SVIL: variants seen among roughly 807,000 people sequenced by gnomAD.
SVIL encodes the protein supervillin, also known as archvillin.
SVIL carries 101 observed loss-of-function variants against 240.4 expected under a neutral mutation model. The ratio of observed to expected loss-of-function variants is 0.42; its 90% confidence interval spans 0.36 to 0.50. SVIL has a LOEUF of 0.50. SVIL is among the 20% of genes least tolerant of loss of function. SVIL has a pLI of 0.01. For missense variants in SVIL, 2,512 were observed against 2,818.7 expected, an observed-to-expected ratio of 0.89 and a Z score of 2.46; for synonymous variants, 999 against 1,100.0, an observed-to-expected ratio of 0.91 and a Z score of 1.82.
intron 1 of SVIL, among the ~76,000 whole-genome samples, chr10:29,581,090 C>T (rs1955927047): frequency 6.6e-6 from 1 of 152,174 alleles, no homozygotes; most frequent in Admixed American, 6.5e-5. Flanking sequence ...CTACTATAAG[C>T]TACTAATGAT....
At chr10:29,677,409 G>A (rs1960281857) in intron 2 of SVIL, among the ~76,000 whole-genome samples, 3 of 152,046 alleles carry the variant, frequency 2.0e-5, no homozygotes, top group South Asian at 2.1e-4. Flanking sequence ...AGTGCTGCTC[G>A]GAATAACACC....
At chr10:29,558,006 G>A (rs1954095190) in intron 3 of SVIL, among the ~76,000 whole-genome samples, 1 of 152,172 alleles carries the variant, frequency 6.6e-6, no homozygotes, top group African/African-American at 2.4e-5. Context: ...CATTTGCTGT[G>A]ACACAAAAAT....
chr10:29,643,632 C>T (rs992512629), intron 3 of SVIL, among the ~76,000 whole-genome samples: 10 of 152,112 alleles, frequency 6.6e-5, no homozygotes, highest in African/African-American at 2.4e-4. Flanking sequence ...CCAACAACCC[C>T]CCACCCCTGC....
chr10:29,466,712 A>G (rs141873143), intron 33 of SVIL, among the ~76,000 whole-genome samples: 2,892 of 152,306 alleles, frequency 0.019, 98 homozygotes, highest in African/African-American at 0.066. Flanking sequence ...AACTTGGGAA[A>G]TTATTCATTA....
intron 1 of SVIL, among the ~76,000 whole-genome samples, chr10:29,627,810 T>G (rs1025301856): frequency 1.6e-4 from 25 of 152,330 alleles, no homozygotes; most frequent in African/African-American, 5.8e-4. Context: ...ATGACCAATT[T>G]TATCTAATCA....
At chr10:29,649,370 C>T (rs896751916) in intron 3 of SVIL, among the ~76,000 whole-genome samples, 6 of 152,048 alleles carry the variant, frequency 3.9e-5, no homozygotes, top group Non-Finnish European at 7.4e-5. Context: ...TCTGAACCCC[C>T]ACGGCATGCC....
intron 16 of SVIL, among the ~76,000 whole-genome samples, chr10:29,517,524 A>AG (rs1171035223): frequency 6.6e-6 from 1 of 152,208 alleles, no homozygotes; most frequent in African/African-American, 2.4e-5. Flanking sequence ...GGGGCCCTCT[A>AG]GTGGCTGAAA....
chr10:29,636,868 A>G (rs1958328723), upstream of SVIL, among the ~76,000 whole-genome samples: 1 of 152,058 alleles, frequency 6.6e-6, no homozygotes. Context: ...GAGGTGTGCA[A>G]TCATGGCTCA....
At chr10:29,558,499 G>A (rs1800933155) in intron 3 of SVIL, among the ~76,000 whole-genome samples, 1 of 152,024 alleles carries the variant, frequency 6.6e-6, no homozygotes, top group Admixed American at 6.6e-5. Flanking sequence ...ACAGAAACGG[G>A]ATTATAAGAA....
At chr10:29,589,644 G>T (rs935474100) in intron 1 of SVIL, among the ~76,000 whole-genome samples, 10 of 152,188 alleles carry the variant, frequency 6.6e-5, no homozygotes, top group African/African-American at 1.9e-4. Context: ...AGAAAACGAG[G>T]TGAGACAATT....
At chr10:29,493,686 C>CCAGCCT (rs1398266313) in intron 20 of SVIL, among the ~76,000 whole-genome samples, 1 of 151,930 alleles carries the variant, frequency 6.6e-6, no homozygotes, top group Non-Finnish European at 1.5e-5. Context: ...GGTAGGTGAA[C>CCAGCCT]CAGCCTCAGC....
intron 29 of SVIL, among the ~76,000 whole-genome samples, chr10:29,476,038 C>T (rs1946160672): frequency 6.6e-6 from 1 of 152,152 alleles, no homozygotes; most frequent in Non-Finnish European, 1.5e-5. Flanking sequence ...TTGTACCATC[C>T]ACTGTGGATC....
chr10:29,588,636 A>C (rs1256204875), intron 1 of SVIL, among the ~76,000 whole-genome samples: 1 of 152,206 alleles, frequency 6.6e-6, no homozygotes, highest in Non-Finnish European at 1.5e-5. Flanking sequence ...GCGTGAAAGG[A>C]AAATAGAACC....
chr10:29,625,465 T>A (rs12243984), intron 1 of SVIL, among the ~76,000 whole-genome samples: 3,337 of 151,966 alleles, frequency 0.022, 102 homozygotes, highest in African/African-American at 0.071. Flanking sequence ...ATATATATAT[T>A]TTTTTTCCTT....
intron 7 of SVIL, among the ~76,000 whole-genome samples, chr10:29,533,956 G>A (rs1951564057): frequency 6.6e-6 from 1 of 152,182 alleles, no homozygotes; most frequent in South Asian, 2.1e-4. Context: ...GATTATTTAT[G>A]CTTTTTATTT....
chr10:29,736,736 C>G (rs975140173), upstream of SVIL: 1 of 151,888 alleles, frequency 6.6e-6, no homozygotes, highest in Non-Finnish European at 1.5e-5. Flanking sequence ...CGCCCACCTG[C>G]CGGGCCCGGG....
At chr10:29,592,832 G>GGCCTA (rs1956441260) in intron 1 of SVIL, among the ~76,000 whole-genome samples, 3 of 152,180 alleles carry the variant, frequency 2.0e-5, no homozygotes, top group Admixed American at 2.0e-4. Flanking sequence ...TCATGATCAA[G>GGCCTA]GCCTAGATTA....
intron 36 of SVIL, 189 bp from the exon 37 acceptor site, chr10:29,458,778 T>C (rs559803901): frequency 4.3e-6 from 2 of 460,856 alleles, no homozygotes; most frequent in Admixed American, 4.2e-5. Flanking sequence ...GTCTGGACTT[T>C]TAATTTTTAA....
In SVIL at chr10:29,510,732, C is replaced by T. The variant is rs545333946; in HGVS notation, c.3516+2003G>A. ...CCTTCTCCAAGGCAGCATTCAGACA[C>T]CCCGCAAGCAGTGGGCATGTCAAGC... On this transcript the variant is annotated intron_variant, in intron 17 of 37. Transcript: ENST00000355867. 2.7e-5 allele frequency among the ~76,000 whole-genome samples: 4 copies of T among 150,716 alleles called. No individual in the cohort carries two copies. The South Asian group carries it at 8.5e-4, about 32-fold the overall frequency.
Sources: gnomAD v4.1 joint callset for allele counts (sites outside exome capture counted in the v4.1 genomes callset) on GRCh38, gnomAD v4.1.1 for gene constraint, MANE v1.5 for transcripts, NCBI Gene and HGNC (gene_info 2026-07-23, HGNC 2026-07-21) for gene names.